UPRT: variants seen among roughly 807,000 people sequenced by gnomAD.
The protein encoded by UPRT is uracil phosphoribosyltransferase homolog.
A neutral mutation model predicts 22.6 loss-of-function variants in UPRT; 5 were observed. The observed-to-expected ratio is 0.22, with a 90% CI of 0.12 to 0.47. The LOEUF (loss-of-function observed/expected upper bound fraction) is 0.47, where lower values mean the gene tolerates loss of function less well. Among genes scored for constraint, UPRT ranks in the 20% least tolerant of loss-of-function variants. The pLI, the probability that UPRT is intolerant of heterozygous loss-of-function variation, is 0.99. For synonymous variants in UPRT, 77 were observed against 87.7 expected (o/e 0.88, Z 0.68); for missense variants, 181 against 239.9 (o/e 0.75, Z 1.62).
intron 3 of UPRT, among the ~76,000 whole-genome samples, 180 bp downstream of exon 3, chrX:75,296,591 CT>C (rs1569285517): frequency 9.0e-6 from 1 of 111,402 alleles, no homozygotes; most frequent in Non-Finnish European, 1.9e-5. Context: ...GTGTAGATGA[CT>C]TTTTGTTAAG....
At position 75,225,323 on chromosome X, in the gene UPRT, C is replaced by CACA. The variant is rs2082420732; in HGVS notation, c.-447+57444_-447+57445insACA. Among the ~76,000 whole-genome samples, 142 of 82,041 alleles carry CACA rather than the reference C, an allele frequency of 1.7e-3. 2 individuals are homozygous for CACA. The highest frequency in any genetic ancestry group is 5.9e-3 in the African/African-American group (134 of 22,540). 71.2% of individuals were successfully genotyped at this position (82,041 alleles called of 115,157 possible). On this transcript the variant is annotated intron_variant, in intron 4 of 13. Coordinates refer to the UPRT transcript ENST00000652605. ...ACAAAAACAAAACCAAAACCAAAAA[C>CACA]CACACACACACACACACACACACAC... is the stretch of plus-strand genomic sequence containing the variant.
At chrX:75,258,730 C>T (rs1351581896) in intron 4 of UPRT, among the ~76,000 whole-genome samples, 2 of 111,968 alleles carry the variant, frequency 1.8e-5, no homozygotes, top group Non-Finnish European at 3.8e-5. Flanking sequence ...CATGATGGCT[C>T]TGAAGAGAGC....
chrX:75,259,373 G>A (rs994299934), intron 4 of UPRT, among the ~76,000 whole-genome samples: 2 of 109,065 alleles, frequency 1.8e-5, no homozygotes, highest in Admixed American at 2.0e-4. Context: ...CTAATGGTTA[G>A]AAGAATTGCT....
At chrX:75,156,647 A>G (rs1057206746) in intron 1 of UPRT, 3 of 352,807 alleles carry the variant, frequency 8.5e-6, no homozygotes, top group African/African-American at 5.2e-5. Context: ...CTTGTCTCTC[A>G]TAATACTCTC....
intron 4 of UPRT, among the ~76,000 whole-genome samples, chrX:75,217,768 C>G (rs1370110010): frequency 3.6e-5 from 4 of 112,060 alleles, no homozygotes; most frequent in South Asian, 3.7e-4. Context: ...ACAAACCTGA[C>G]AAAAACAAGC....
upstream of UPRT, among the ~76,000 whole-genome samples, chrX:75,270,540 T>C (rs140246824): frequency 2.5e-3 from 280 of 111,569 alleles, no homozygotes; most frequent in Non-Finnish European, 4.4e-3. Flanking sequence ...ATAAAGAAAA[T>C]GTGGCACATA....
chrX:75,227,227 T>C (rs1382668641), intron 4 of UPRT, among the ~76,000 whole-genome samples: 1 of 111,674 alleles, frequency 9.0e-6, no homozygotes, highest in Admixed American at 9.5e-5. Flanking sequence ...TCTAATCTCC[T>C]CCACATTTTA....
At chrX:75,272,042 G>A (rs747404794), upstream of UPRT, among the ~76,000 whole-genome samples, 45 of 109,787 alleles carry the variant, frequency 4.1e-4, no homozygotes, top group Middle Eastern at 4.6e-3. Flanking sequence ...TACACTGCTG[G>A]TAGGAATGTC....
At chrX:75,263,156 C>G (rs1011519106) in intron 4 of UPRT, among the ~76,000 whole-genome samples, 7 of 112,053 alleles carry the variant, frequency 6.2e-5, no homozygotes, top group Admixed American at 1.9e-4. Context: ...TGATGTTAGT[C>G]AGGGATATTG....
At chrX:75,205,322 A>G (rs945584437) in intron 4 of UPRT, among the ~76,000 whole-genome samples, 1 of 94,562 alleles carries the variant, frequency 1.1e-5, no homozygotes, top group African/African-American at 3.9e-5. Flanking sequence ...GTGAGCCGAG[A>G]TTGCGCCACT....
At chrX:75,184,223 G>C (rs2082281224) in intron 4 of UPRT, among the ~76,000 whole-genome samples, 1 of 111,980 alleles carries the variant, frequency 8.9e-6, no homozygotes, top group Non-Finnish European at 1.9e-5. Context: ...AAGGGATCCA[G>C]TTTCAGCTTT....
chrX:75,187,889 C>T (rs374011657), intron 4 of UPRT, among the ~76,000 whole-genome samples: 8 of 112,040 alleles, frequency 7.1e-5, no homozygotes, highest in African/African-American at 2.6e-4. Context: ...CCTTTAAGCA[C>T]TTCTCTGTAT....
chrX:75,179,295 C>A (rs754834746), intron 4 of UPRT, among the ~76,000 whole-genome samples: 3 of 111,272 alleles, frequency 2.7e-5, no homozygotes, highest in Non-Finnish European at 5.7e-5. Context: ...CATAAAGACT[C>A]TCCACATCCT....
At chrX:75,209,573 A>G (rs935498564) in intron 4 of UPRT, among the ~76,000 whole-genome samples, 20 of 111,837 alleles carry the variant, frequency 1.8e-4, no homozygotes, top group African/African-American at 6.2e-4. Context: ...GGGTTTCACC[A>G]TGTTGGCCAG....
In UPRT at chrX:75,285,219, C is replaced by A. The variant is rs975635650; in HGVS notation, c.387-8253C>A. 4.5e-5 allele frequency among the ~76,000 whole-genome samples: 5 copies of A among 111,488 alleles called. No homozygotes were observed. In the South Asian group the frequency reaches 1.5e-3, roughly 34 times the overall value. On this transcript the variant is annotated intron_variant, in intron 1 of 6. Transcript: ENST00000373383. ...CTGGCTTGAAAAATTGCCCAGACTA[C>A]CTGCCTCCAAGTTGAGAAAGAAAAA... is the stretch of plus-strand genomic sequence containing the variant.
chrX:75,187,103 T>G (rs900381393), intron 4 of UPRT, among the ~76,000 whole-genome samples: 22 of 111,773 alleles, frequency 2.0e-4, no homozygotes, highest in African/African-American at 5.5e-4. Context: ...AGTTGATGCA[T>G]TTTCTTCCTA....
At chrX:75,179,390 A>C (rs2082261390) in intron 4 of UPRT, among the ~76,000 whole-genome samples, 1 of 112,884 alleles carries the variant, frequency 8.9e-6, no homozygotes, top group Admixed American at 9.3e-5. Context: ...TGTGTTTACA[A>C]TCCTTGAGCT....
chrX:75,215,384 A>G (rs1039800371), intron 4 of UPRT, among the ~76,000 whole-genome samples: 5 of 111,863 alleles, frequency 4.5e-5, no homozygotes, highest in Non-Finnish European at 7.5e-5. Context: ...TCAGAAATCA[A>G]TGAAATTGAC....
chrX:75,268,204 C>G (rs1451336455), intron 4 of UPRT, among the ~76,000 whole-genome samples: 4 of 110,872 alleles, frequency 3.6e-5, no homozygotes, highest in Non-Finnish European at 3.8e-5. Flanking sequence ...CAAGTCTAAC[C>G]CAGGAAGAAG....
Sources: allele counts gnomAD v4.1 joint callset (sites outside exome capture counted in the v4.1 genomes callset), GRCh38; gene constraint gnomAD v4.1.1; transcripts MANE v1.5; gene names NCBI Gene and HGNC (gene_info 2026-07-23, HGNC 2026-07-21).